RBM20: variants seen among roughly 807,000 people sequenced by gnomAD.
RBM20 encodes RNA-binding protein 20.
In RBM20, 51 loss-of-function variants were observed where a neutral mutation model predicts 110.1. The observed-to-expected ratio is 0.46, with a 90% CI of 0.37 to 0.59. The LOEUF (loss-of-function observed/expected upper bound fraction) is 0.59. RBM20 is among the 20% of genes least tolerant of loss of function. RBM20 has a pLI of 0.00. For synonymous variants in RBM20, 589 were observed against 618.2 expected (o/e 0.95, Z 0.70); for missense variants, 1,512 against 1,574.9 (o/e 0.96, Z 0.68).
At chr10:110,666,052 T>G (rs1238026398) in intron 1 of RBM20, among the ~76,000 whole-genome samples, 2 of 150,776 alleles carry the variant, frequency 1.3e-5, no homozygotes. Context: ...AAGAAAGCAG[T>G]TATACTCTAG....
intron 7 of RBM20, among the ~76,000 whole-genome samples, chr10:110,807,940 C>T (rs868818850): frequency 1.1e-4 from 17 of 152,332 alleles, no homozygotes; most frequent in Admixed American, 8.5e-4. Context: ...TGTGGCTTCC[C>T]GGCGATGGCA....
intron 1 of RBM20, among the ~76,000 whole-genome samples, chr10:110,719,465 A>G (rs1020126245): frequency 2.6e-5 from 4 of 152,182 alleles, no homozygotes; most frequent in African/African-American, 9.7e-5. Flanking sequence ...TCTCACTGCC[A>G]TGCTATTGAT....
chr10:110,721,816 T>C (rs1398639021), intron 1 of RBM20, among the ~76,000 whole-genome samples: 1 of 152,180 alleles, frequency 6.6e-6, no homozygotes, highest in African/African-American at 2.4e-5. Flanking sequence ...GGCCATTTAT[T>C]GCAGAACCTT....
At chr10:110,687,730 G>A (rs924611721) in intron 1 of RBM20, among the ~76,000 whole-genome samples, 39 of 152,138 alleles carry the variant, frequency 2.6e-4, no homozygotes, top group African/African-American at 9.2e-4. Context: ...GTGATACAGG[G>A]GATGTGACTA....
rs200655228 is a variant in RBM20 at position 110,698,496 on chromosome 10, G to A, written c.191+53851G>A. On this transcript the variant is annotated intron_variant, in intron 1 of 13. Coordinates refer to ENST00000369519, the MANE Select transcript of RBM20 (RefSeq NM_001134363.3). ...CCTTGCAAGAGTGTTGACACCCTGT[G>A]AGGAGGGTGCAGAAACTCCAGCCAC... Among the ~76,000 whole-genome samples, 11 of 152,352 alleles carry A rather than the reference G, an allele frequency of 7.2e-5. No homozygotes were observed. In the East Asian group the frequency reaches 2.1e-3, roughly 29 times the overall value.
intron 1 of RBM20, among the ~76,000 whole-genome samples, chr10:110,654,371 C>G (rs746165454): frequency 3.7e-4 from 57 of 152,248 alleles, no homozygotes; most frequent in Non-Finnish European, 6.8e-4. Flanking sequence ...CAGCTACTTC[C>G]CATTTAACTC....
chr10:110,668,176 C>T (rs1862207033), intron 1 of RBM20, among the ~76,000 whole-genome samples: 1 of 152,078 alleles, frequency 6.6e-6, no homozygotes, highest in East Asian at 1.9e-4. Flanking sequence ...TTTAGATCCC[C>T]CTAACTCAAT....
At chr10:110,724,067 G>C (rs571338663) in intron 1 of RBM20, among the ~76,000 whole-genome samples, 1 of 152,160 alleles carries the variant, frequency 6.6e-6, no homozygotes, top group African/African-American at 2.4e-5. Flanking sequence ...AAAAGTTACC[G>C]GGTAAGAGAC....
chr10:110,661,440 T>C (rs1862100633), intron 1 of RBM20, among the ~76,000 whole-genome samples: 1 of 152,156 alleles, frequency 6.6e-6, no homozygotes, highest in Non-Finnish European at 1.5e-5. Flanking sequence ...AGGCCTGGGC[T>C]CAGTCCCTAG....
In RBM20 at chr10:110,821,779, G is replaced by C. The variant is rs780301164; in HGVS notation, c.3160G>C (p.Glu1054Gln). The C allele has an allele frequency of 3.9e-6, 6 of 1,551,782 alleles. No homozygotes were observed. The highest frequency in any genetic ancestry group is 5.2e-6 in the Non-Finnish European group (6 of 1,147,010). The stretch of plus-strand genomic sequence containing the variant: ...AATGTCTTCCCCTAAGCCAGCAGAG[G>C]AGAGGGCCCGGCAGCCAAGCCCATT... Reference protein sequence around the residue: ...QQMSSPKPAEERARQPSPFVD... With the variant: ...QQMSSPKPAEQRARQPSPFVD... The change falls in exon 11 of 14, where the codon GAG (glutamate) becomes CAG (glutamine). Residue 1054 changes from glutamate (E) to glutamine (Q), a missense_variant. By Grantham distance (29) the Glu-to-Gln change is conservative. Transcript: ENST00000369519.
chr10:110,823,407 G>A lies in RBM20; in HGVS notation c.3317-73G>A, dbSNP rs1178866559. The A allele has an allele frequency of 2.0e-6, 3 of 1,479,354 alleles. No individual in the cohort carries two copies. The African/African-American group carries it at 4.4e-5, about 22-fold the overall frequency. 91.6% of individuals were successfully genotyped at this position (1,479,354 alleles called of 1,614,324 possible). On this transcript the variant is annotated intron_variant, in intron 11 of 13. Coordinates refer to ENST00000369519, the MANE Select transcript of RBM20 (RefSeq NM_001134363.3). ...TACTATGCAGGCATAGAATTTCAGG[G>A]ACTCTTTGAGGCATGTTGTATTTCT...
At chr10:110,754,208 TA>T (rs1333475607) in intron 1 of RBM20, among the ~76,000 whole-genome samples, 1 of 152,242 alleles carries the variant, frequency 6.6e-6, no homozygotes, top group East Asian at 1.9e-4. Context: ...GATGTTGAGA[TA>T]TTTTTTAGTC....
intron 5 of RBM20, among the ~76,000 whole-genome samples, chr10:110,791,725 C>A (rs1442859244): frequency 1.3e-5 from 2 of 152,172 alleles, no homozygotes; most frequent in African/African-American, 2.4e-5. Flanking sequence ...GCCCAGGCCC[C>A]CGATCCCATG....
intron 1 of RBM20, among the ~76,000 whole-genome samples, chr10:110,716,245 C>T (rs931912946): frequency 4.6e-5 from 7 of 152,146 alleles, no homozygotes; most frequent in Non-Finnish European, 8.8e-5. Flanking sequence ...CCTTAGAAGG[C>T]CCCAGATGTC....
rs548105112 is a variant in RBM20, at chr10:110,811,167, G to A, written c.1880+705G>A. 3.3e-5 allele frequency among the ~76,000 whole-genome samples: 5 copies of A among 152,262 alleles called. No individual in the cohort carries two copies. In the South Asian group the frequency reaches 8.3e-4, roughly 25 times the overall value. ...GGTTCTTGCTGGGGTGGCCACAGTCGGTGCTGTCACTTCCCTGTAGAGGGC... is the reference window on the plus strand; with the variant it reads ...GGTTCTTGCTGGGGTGGCCACAGTCAGTGCTGTCACTTCCCTGTAGAGGGC... On this transcript the variant is annotated intron_variant, in intron 8 of 13. Transcript: ENST00000369519.
At chr10:110,827,806 C>A (rs923920162) in intron 12 of RBM20, 2 of 152,114 alleles carry the variant, frequency 1.3e-5, no homozygotes. Flanking sequence ...GCTGCATAAC[C>A]CTTTAGCCTG....
intron 1 of RBM20, among the ~76,000 whole-genome samples, chr10:110,747,307 G>GT (rs1843794588): frequency 1.3e-5 from 2 of 149,088 alleles, no homozygotes; most frequent in Non-Finnish European, 3.0e-5. Context: ...GGGGGGGGGG[G>GT]TCATTCTGGC....
intron 1 of RBM20, among the ~76,000 whole-genome samples, chr10:110,671,283 T>C (rs988083557): frequency 6.6e-6 from 1 of 152,276 alleles, no homozygotes; most frequent in East Asian, 1.9e-4. Flanking sequence ...GCTTTCTTCA[T>C]GCATGTCATT....
intron 6 of RBM20, among the ~76,000 whole-genome samples, chr10:110,798,523 A>T (rs1456849011): frequency 6.6e-6 from 1 of 152,210 alleles, no homozygotes; most frequent in Non-Finnish European, 1.5e-5. Context: ...CTAGATTAGT[A>T]TTATTCCCAT....
Sources: gnomAD v4.1 joint callset for allele counts (sites outside exome capture counted in the v4.1 genomes callset) on GRCh38, gnomAD v4.1.1 for gene constraint, MANE v1.5 for transcripts, NCBI Gene and HGNC (gene_info 2026-07-23, HGNC 2026-07-21) for gene names.